The following LUC7L variants were observed in gnomAD, a reference collection of about 807,000 sequenced individuals.
LUC7L encodes the protein putative RNA-binding protein Luc7-like 1.
In LUC7L, 29 loss-of-function variants were observed where a neutral mutation model predicts 51.1. The ratio of observed to expected loss-of-function variants is 0.57; its 90% CI spans 0.42 to 0.77. The LOEUF (loss-of-function observed/expected upper bound fraction) is 0.77. Among genes scored for constraint, LUC7L ranks in the 30% least tolerant of loss-of-function variants. LUC7L has a pLI of 0.00. For synonymous variants in LUC7L, 181 were observed against 180.7 expected (o/e 1.00, Z -0.01); for missense variants, 403 against 511.9 (o/e 0.79, Z 2.05).
intron 3 of LUC7L, among the ~76,000 whole-genome samples, chr16:215,794 C>G (rs1567187631): frequency 6.6e-6 from 1 of 152,004 alleles, no homozygotes; most frequent in Non-Finnish European, 1.5e-5. Flanking sequence ...GAGTGAGACA[C>G]TGTCTCAAAA....
At chr16:222,064 T>G (rs1260964673) in intron 2 of LUC7L, among the ~76,000 whole-genome samples, 1 of 152,146 alleles carries the variant, frequency 6.6e-6, no homozygotes. Context: ...TAAAACAAAA[T>G]GATTTATGTT....
At chr16:221,829 G>A (rs1053329231) in intron 2 of LUC7L, among the ~76,000 whole-genome samples, 2 of 152,202 alleles carry the variant, frequency 1.3e-5, no homozygotes, top group Admixed American at 6.5e-5. Context: ...AGAGGAAGAG[G>A]AAAGAGCGGA....
At chr16:193,980 T>C (rs1195859001) in intron 6 of LUC7L, among the ~76,000 whole-genome samples, 1 of 151,832 alleles carries the variant, frequency 6.6e-6, no homozygotes. Context: ...ATTTTTTGTA[T>C]TTTTAGTAGA....
At position 190,308 on chromosome 16, in the gene LUC7L, G is replaced by A. The variant is rs143260148; in HGVS notation, c.807-173C>T. 1.7e-4 allele frequency among the ~76,000 whole-genome samples: 26 copies of A among 152,030 alleles called. No homozygotes were observed. In the East Asian group the frequency reaches 3.5e-3, roughly 20 times the overall value. On this transcript the variant is annotated intron_variant, in intron 8 of 9. Coordinates refer to ENST00000293872, the MANE Select transcript of LUC7L (RefSeq NM_201412.3). ...TCTCCAATGGCTAGGTCCTTCCAAT[G>A]AGGTCTCCTGAAAACATGTGGCCTG...
At chr16:199,025 A>G (rs1480107975) in intron 6 of LUC7L, 37 bp downstream of exon 6, 22 of 1,560,846 alleles carry the variant, frequency 1.4e-5, no homozygotes, top group Non-Finnish European at 8.7e-7. Flanking sequence ...AAACACCCCA[A>G]GACTCCTCAG....
chr16:189,287 C>T lies in LUC7L; in HGVS notation c.1027G>A (p.Glu343Lys), dbSNP rs776926792. ...AGCCTCCAGTCCGGGGGCCCTCGCT[C>T]GCTCCGCCCGCTCTCCCAGGACTCC... ...REESWESGRS[E>K]RGPPDWRLES... Residue 343 changes from glutamate to lysine, a missense_variant, in exon 10 of 10, where the codon GAG (glutamate) becomes AAG (lysine). By Grantham distance (56) the Glu-to-Lys change is moderately conservative. Coordinates refer to ENST00000293872, the MANE Select transcript of LUC7L (RefSeq NM_201412.3). 5.6e-6 allele frequency: 9 copies of T among 1,613,578 alleles called. No homozygotes were observed. The highest frequency in any genetic ancestry group is 1.3e-5 in the African/African-American group (1 of 75,042).
intron 6 of LUC7L, among the ~76,000 whole-genome samples, chr16:197,739 A>T (rs1349889114): frequency 6.6e-6 from 1 of 152,138 alleles, no homozygotes; most frequent in African/African-American, 2.4e-5. Flanking sequence ...CTGAGTGAGC[A>T]GCTCTTTCCT....
At chr16:213,091 T>C (rs1487070773) in intron 3 of LUC7L, among the ~76,000 whole-genome samples, 1 of 152,102 alleles carries the variant, frequency 6.6e-6, no homozygotes, top group Non-Finnish European at 1.5e-5. Context: ...GAGCTTAATA[T>C]GATTAATATT....
chr16:206,211 G>GA, intron 4 of LUC7L, 64 bp from the exon 5 acceptor site: 1 of 1,490,838 alleles, frequency 6.7e-7, no homozygotes, highest in Non-Finnish European at 9.2e-7. Context: ...AAGGCAACAA[G>GA]GGTTTCTCCT....
At chr16:215,014 G>C (rs940610978) in intron 3 of LUC7L, among the ~76,000 whole-genome samples, 2 of 152,126 alleles carry the variant, frequency 1.3e-5, no homozygotes, top group African/African-American at 2.4e-5. Context: ...AGGCTACCGT[G>C]AGCTATGAGC....
intron 6 of LUC7L, among the ~76,000 whole-genome samples, chr16:198,064 C>T (rs530022008): frequency 4.6e-5 from 7 of 151,644 alleles, no homozygotes; most frequent in African/African-American, 7.3e-5. Flanking sequence ...GTCAGGAGAT[C>T]GAGACCATCC....
At chr16:217,894 C>G (rs192321111) in intron 3 of LUC7L, among the ~76,000 whole-genome samples, 2 of 151,732 alleles carry the variant, frequency 1.3e-5, no homozygotes, top group Admixed American at 1.3e-4. Context: ...TAAAAATTAG[C>G]TGGGCGTGGT....
intron 6 of LUC7L, 50 bp from the exon 7 acceptor site, chr16:193,065 G>A: frequency 2.1e-6 from 3 of 1,401,108 alleles, no homozygotes; most frequent in Non-Finnish European, 3.0e-6. Flanking sequence ...ACAAACCAGA[G>A]TGTGAATGCT....
intron 3 of LUC7L, among the ~76,000 whole-genome samples, chr16:212,506 C>T (rs2049672298): frequency 6.6e-6 from 1 of 152,126 alleles, no homozygotes; most frequent in Admixed American, 6.6e-5. Context: ...ATAACTTGCC[C>T]AGGGTCACAC....
At chr16:226,143 A>G (rs1423362435) in intron 2 of LUC7L, among the ~76,000 whole-genome samples, 2 of 152,218 alleles carry the variant, frequency 1.3e-5, no homozygotes, top group African/African-American at 4.8e-5. Flanking sequence ...ACAGAGGCAC[A>G]AGGTTTGGCA....
At chr16:197,487 G>A (rs1330094180) in intron 6 of LUC7L, among the ~76,000 whole-genome samples, 1 of 152,170 alleles carries the variant, frequency 6.6e-6, no homozygotes, top group African/African-American at 2.4e-5. Context: ...TGGGATTACA[G>A]GCGTGAGCCA....
At chr16:219,034 G>A (rs8044711) in intron 3 of LUC7L, among the ~76,000 whole-genome samples, 13,593 of 151,502 alleles carry the variant, frequency 0.09, 860 homozygotes, top group Non-Finnish European at 0.12. Context: ...AGAGGTCAAG[G>A]TTACAGCAAG....
chr16:203,314 C>G (rs551336027), intron 5 of LUC7L, among the ~76,000 whole-genome samples: 1 of 152,120 alleles, frequency 6.6e-6, no homozygotes, highest in Admixed American at 6.6e-5. Context: ...GCAAATCATG[C>G]CAATTCTCTA....
chr16:221,370 G>A (rs537548515), intron 2 of LUC7L, among the ~76,000 whole-genome samples: 1 of 152,060 alleles, frequency 6.6e-6, no homozygotes, highest in South Asian at 2.1e-4. Flanking sequence ...ATCAGTCCAA[G>A]GATTCAGTAA....
Sources: gnomAD v4.1 joint callset for allele counts (sites outside exome capture counted in the v4.1 genomes callset) on GRCh38, gnomAD v4.1.1 for gene constraint, MANE v1.5 for transcripts, NCBI Gene and HGNC (gene_info 2026-07-23, HGNC 2026-07-21) for gene names.